Variants in MFSD11 observed in about 807,000 individuals in gnomAD.
The protein encoded by MFSD11 is major facilitator superfamily domain containing 11.
In MFSD11, 36 loss-of-function variants were observed where a neutral mutation model predicts 53.5. The ratio of observed to expected loss-of-function variants is 0.67; its 90% CI spans 0.52 to 0.89. The LOEUF is 0.89. Ranked by LOEUF, MFSD11 falls within the 40% of genes least tolerant of loss-of-function variation. MFSD11 has a pLI of 0.00. For synonymous variants in MFSD11, 186 were observed against 184.9 expected, an observed-to-expected ratio of 1.01 and a Z score of -0.05; for missense variants, 530 against 543.9, an observed-to-expected ratio of 0.97 and a Z score of 0.25.
At chr17:76,753,993 T>C in intron 7 of MFSD11, 54 bp from the exon 8 acceptor site, 2 of 1,441,798 alleles carry the variant, frequency 1.4e-6, no homozygotes, top group Non-Finnish European at 1.9e-6. Flanking sequence ...ATCGTATGTT[T>C]GTTCTTTTAT....
intron 3 of MFSD11, among the ~76,000 whole-genome samples, chr17:76,741,719 T>C (rs971664965): frequency 5.9e-5 from 9 of 151,980 alleles, no homozygotes; most frequent in Non-Finnish European, 1.2e-4. Context: ...GCCCAGGAGG[T>C]GGAGGTTGCA....
At chr17:76,800,372 G>A in the MFSD11 span, among the ~76,000 whole-genome samples, 1 of 152,154 alleles carries the variant, frequency 6.6e-6, no homozygotes, top group African/African-American at 2.4e-5. Flanking sequence ...GCTGGCTTAA[G>A]TGTCCAGTAA....
upstream of MFSD11, chr17:76,738,011 G>GGGA (rs58466357): frequency 0.014 from 4,873 of 337,604 alleles, 220 homozygotes; most frequent in African/African-American, 0.093. Context: ...GAGTCAGGCT[G>GGGA]GGAGGGCGGG....
intron 8 of MFSD11, among the ~76,000 whole-genome samples, chr17:76,758,608 T>G (rs1207748472): frequency 1.4e-5 from 2 of 147,504 alleles, no homozygotes; most frequent in Non-Finnish European, 3.0e-5. Context: ...AAAAAGTGAT[T>G]GAAGAAAATA....
chr17:76,783,287 T>G (rs8065907), downstream of MFSD11, among the ~76,000 whole-genome samples: 4,897 of 151,990 alleles, frequency 0.032, 269 homozygotes, highest in African/African-American at 0.11. Context: ...CCATGGGTGT[T>G]TGTTTGTGTG....
chr17:76,791,657 C>G, the MFSD11 span, among the ~76,000 whole-genome samples: 4 of 148,674 alleles, frequency 2.7e-5, no homozygotes, highest in Admixed American at 6.7e-5. Context: ...AGGTGGCTGC[C>G]CCCCAAGCTG....
At chr17:76,790,919 C>T in the MFSD11 span, among the ~76,000 whole-genome samples, 2 of 142,492 alleles carry the variant, frequency 1.4e-5, no homozygotes, top group African/African-American at 5.4e-5. Context: ...CCAGCCTGGG[C>T]GACAGAGCCA....
At position 76,738,898 on chromosome 17, in the gene MFSD11, T is replaced by A. The variant is rs776025991; in HGVS notation, c.97-40T>A. On this transcript the variant is annotated intron_variant, in intron 1 of 12. Transcript: ENST00000685175. ...CACTTCCCAAGGGTGGGAGGGAGAC[T>A]GCAAAACATTTTCGTTGATTAGTTT... The A allele has an allele frequency of 8.9e-6, 14 of 1,569,152 alleles. No individual in the cohort carries two copies. In the Admixed American group the frequency reaches 2.3e-4, roughly 26 times the overall value.
At chr17:76,747,893 T>TC (rs1180496841) in intron 7 of MFSD11, 1 of 152,198 alleles carries the variant, frequency 6.6e-6, no homozygotes, top group African/African-American at 2.4e-5. Context: ...CTGAATCGTC[T>TC]CCTAAATTTG....
the MFSD11 span, among the ~76,000 whole-genome samples, chr17:76,792,604 A>G: frequency 1.3e-5 from 2 of 151,428 alleles, no homozygotes; most frequent in African/African-American, 4.9e-5. Context: ...GGACCCGCCT[A>G]AATTTGTCCA....
intron 9 of MFSD11, 78 bp downstream of exon 9, chr17:76,767,529 C>G: frequency 9.9e-6 from 9 of 907,970 alleles, no homozygotes; most frequent in Non-Finnish European, 1.6e-5. Context: ...GTTATTATTT[C>G]TCACAATTCT....
the MFSD11 span, among the ~76,000 whole-genome samples, chr17:76,794,334 G>A: frequency 3.3e-5 from 5 of 150,730 alleles, no homozygotes; most frequent in African/African-American, 7.4e-5. Context: ...AAAATTAGCC[G>A]GGCGTGGTGG....
chr17:76,762,781 A>G (rs1465525101), intron 8 of MFSD11, among the ~76,000 whole-genome samples: 2 of 152,040 alleles, frequency 1.3e-5, no homozygotes, highest in Non-Finnish European at 2.9e-5. Context: ...GGACTTCCCG[A>G]GTAGAAAGCA....
In MFSD11 at chr17:76,744,446, C is replaced by A; in HGVS notation, c.621C>A (p.Asp207Glu). The stretch of plus-strand genomic sequence containing the variant: ...TAGGAGAAGATGAGTCTTCTGATGA[C>A]CAGGACATGGAAGTCAACGAGTAAG... ...NVLGEDESSD[D>E]QDMEVNESAQ... Residue 207 changes from aspartate to glutamate, a missense_variant, in exon 7 of 13, where the codon GAC (aspartate) becomes GAA (glutamate). Transcript: ENST00000685175. 1 of 1,611,566 alleles carries A rather than the reference C, an allele frequency of 6.2e-7. No homozygotes were observed. Among genetic ancestry groups the A allele is most frequent in the African/African-American group, 1.3e-5 (1 of 74,882 alleles).
downstream of MFSD11, chr17:76,781,462 A>T (rs879363946): frequency 2.0e-5 from 3 of 152,228 alleles, no homozygotes; most frequent in Middle Eastern, 3.2e-3. Flanking sequence ...CAGGGAGGGA[A>T]TTGGTGGGGA....
chr17:76,783,059 C>T (rs1055152020), downstream of MFSD11, among the ~76,000 whole-genome samples: 1 of 151,384 alleles, frequency 6.6e-6, no homozygotes, highest in Admixed American at 6.6e-5. Flanking sequence ...AGCCTGTAAT[C>T]CCAGCTACTC....
chr17:76,761,103 G>A (rs1029228583), intron 8 of MFSD11, among the ~76,000 whole-genome samples: 1 of 152,076 alleles, frequency 6.6e-6, no homozygotes. Flanking sequence ...TACTCAGGAG[G>A]CTGAGGCGGG....
chr17:76,783,268 C>G (rs1442191032), downstream of MFSD11, among the ~76,000 whole-genome samples: 1 of 152,078 alleles, frequency 6.6e-6, no homozygotes, highest in African/African-American at 2.4e-5. Context: ...AATGCTGTAG[C>G]TGGGTCTCCC....
chr17:76,749,738 A>AAATT (rs1300861795), intron 7 of MFSD11, among the ~76,000 whole-genome samples: 2 of 151,890 alleles, frequency 1.3e-5, no homozygotes, highest in African/African-American at 4.8e-5. Flanking sequence ...AAAAATACAA[A>AAATT]AATTAGCCTG....
Sources: gnomAD v4.1 joint callset for allele counts (sites outside exome capture counted in the v4.1 genomes callset) on GRCh38, gnomAD v4.1.1 for gene constraint, MANE v1.5 for transcripts, NCBI Gene and HGNC (gene_info 2026-07-23, HGNC 2026-07-21) for gene names.